The following CCDC91 variants were observed in gnomAD, a reference collection of about 807,000 sequenced individuals.
CCDC91 encodes coiled-coil domain containing 91, also known as coiled-coil domain-containing protein 91.
A neutral mutation model predicts 63.2 loss-of-function variants in CCDC91; 48 were observed. That is an observed-to-expected ratio of 0.76 (90% CI 0.60 to 0.97). CCDC91 has a LOEUF of 0.97. CCDC91 is among the 50% of genes least tolerant of loss of function. CCDC91 has a pLI of 0.00. For missense variants in CCDC91, 500 were observed against 494.6 expected, an observed-to-expected ratio of 1.01 and a Z score of -0.10; for synonymous variants, 167 against 165.8, an observed-to-expected ratio of 1.01 and a Z score of -0.06.
intron 12 of CCDC91, among the ~76,000 whole-genome samples, chr12:28,516,218 C>G (rs1424665063): frequency 4.0e-5 from 6 of 151,894 alleles, no homozygotes; most frequent in African/African-American, 1.4e-4. Flanking sequence ...TAAAAAAAAT[C>G]AATCTGTTGG....
intron 12 of CCDC91, among the ~76,000 whole-genome samples, chr12:28,487,585 A>T (rs1445309412): frequency 6.6e-6 from 1 of 151,706 alleles, no homozygotes; most frequent in Non-Finnish European, 1.5e-5. Context: ...CCTTTGGAAG[A>T]TGGATTTCTA....
Position 28,391,344 on chromosome 12 carries a change from T to C in CCDC91, c.695T>C (p.Ile232Thr). The C allele has an allele frequency of 1.2e-6, 2 of 1,613,208 alleles. No individual in the cohort carries two copies. The highest frequency in any genetic ancestry group is 1.7e-6 in the Non-Finnish European group (2 of 1,179,308). ...TCAGTTAAGCAACAAGTAGAAGCTA[T>C]TGAAAAACAGTACATTTCTGCAATT... ...QSSVKQQVEA[I>T]EKQYISAIEK... is the part of the protein sequence containing the mutation. Residue 232 changes from isoleucine to threonine, a missense_variant, in exon 8 of 13, where the codon ATT (isoleucine) becomes ACT (threonine). Ile to Thr is a moderately conservative substitution (Grantham distance 89). Transcript: ENST00000536442.
At chr12:28,414,623 A>G (rs1414764419) in intron 8 of CCDC91, among the ~76,000 whole-genome samples, 2 of 152,124 alleles carry the variant, frequency 1.3e-5, no homozygotes, top group Non-Finnish European at 2.9e-5. Flanking sequence ...CAGGCATTTG[A>G]TCACACTTGG....
At chr12:28,264,936 T>C (rs1255377963) in intron 3 of CCDC91, among the ~76,000 whole-genome samples, 1 of 151,964 alleles carries the variant, frequency 6.6e-6, no homozygotes, top group African/African-American at 2.4e-5. Context: ...AGTGATGCCA[T>C]ATAAAGGCTG....
At chr12:28,346,312 T>A (rs116655318) in intron 6 of CCDC91, among the ~76,000 whole-genome samples, 2,802 of 152,292 alleles carry the variant, frequency 0.018, 95 homozygotes, top group African/African-American at 0.062. Context: ...CTTTTAGAAG[T>A]GTTTTCTCTA....
At chr12:28,270,335 T>G (rs543423872) in intron 3 of CCDC91, among the ~76,000 whole-genome samples, 2 of 152,254 alleles carry the variant, frequency 1.3e-5, no homozygotes, top group South Asian at 2.1e-4. Context: ...GAAAGTTTGC[T>G]AAAGATATGA....
At chr12:28,370,521 C>G (rs575843264) in intron 7 of CCDC91, among the ~76,000 whole-genome samples, 1 of 152,344 alleles carries the variant, frequency 6.6e-6, no homozygotes, top group South Asian at 2.1e-4. Context: ...AAGTTACAAA[C>G]TTTCCCACAT....
intron 1 of CCDC91, among the ~76,000 whole-genome samples, chr12:28,214,358 A>ACCAAC (rs1306052458): frequency 3.3e-5 from 5 of 152,138 alleles, no homozygotes; most frequent in Admixed American, 6.5e-5. Context: ...TGGAAAACTG[A>ACCAAC]CCAACCCAAC....
At chr12:28,378,262 T>C (rs1278471465) in intron 7 of CCDC91, among the ~76,000 whole-genome samples, 1 of 152,092 alleles carries the variant, frequency 6.6e-6, no homozygotes, top group Non-Finnish European at 1.5e-5. Flanking sequence ...TAAATACTTT[T>C]TGTTAAGGAT....
At chr12:28,515,927 C>CT (rs1939895014) in intron 12 of CCDC91, among the ~76,000 whole-genome samples, 1 of 151,866 alleles carries the variant, frequency 6.6e-6, no homozygotes, top group African/African-American at 2.4e-5. Context: ...AAGGGAACTA[C>CT]TTTCTTGCCA....
chr12:28,366,170 T>G (rs567816814), intron 7 of CCDC91, among the ~76,000 whole-genome samples: 247 of 152,200 alleles, frequency 1.6e-3, no homozygotes, highest in African/African-American at 5.8e-3. Context: ...AAACTGGATA[T>G]TTTATATAAA....
At chr12:28,324,640 T>G (rs1940815223) in intron 6 of CCDC91, among the ~76,000 whole-genome samples, 1 of 151,890 alleles carries the variant, frequency 6.6e-6, no homozygotes, top group Admixed American at 6.6e-5. Context: ...CGTCAACCTT[T>G]GAAAATACCT....
chr12:28,287,091 T>G (rs1948958606), intron 3 of CCDC91, among the ~76,000 whole-genome samples: 1 of 152,178 alleles, frequency 6.6e-6, no homozygotes, highest in African/African-American at 2.4e-5. Context: ...AAGTTCCTTA[T>G]AGATGTTGGA....
At chr12:28,442,651 C>A (rs1273268656) in intron 8 of CCDC91, among the ~76,000 whole-genome samples, 1 of 151,762 alleles carries the variant, frequency 6.6e-6, no homozygotes, top group Non-Finnish European at 1.5e-5. Context: ...ATCTAGAATA[C>A]CAAATCAAAA....
intron 7 of CCDC91, among the ~76,000 whole-genome samples, chr12:28,363,188 G>C (rs1014674109): frequency 6.6e-6 from 1 of 151,848 alleles, no homozygotes; most frequent in Admixed American, 6.6e-5. Context: ...CAGTTCCATT[G>C]TATATTCTTC....
intron 12 of CCDC91, among the ~76,000 whole-genome samples, chr12:28,525,627 G>A (rs1941190426): frequency 6.6e-6 from 1 of 151,858 alleles, no homozygotes; most frequent in Admixed American, 6.6e-5. Context: ...CTTGTTCCAG[G>A]GTATAGTTTA....
intron 8 of CCDC91, among the ~76,000 whole-genome samples, chr12:28,441,073 AAAAAAAAAAAAG>A (rs1454733785): frequency 7.5e-5 from 2 of 26,802 alleles, no homozygotes; most frequent in Non-Finnish European, 1.7e-4. Flanking sequence ...AAAAAAAAAA[AAAAAAAAAAAAG>A]AAAAGAAAAA....
At chr12:28,412,362 A>G (rs2139734619) in intron 8 of CCDC91, among the ~76,000 whole-genome samples, 1 of 152,304 alleles carries the variant, frequency 6.6e-6, no homozygotes, top group South Asian at 2.1e-4. Flanking sequence ...CAAAATATGA[A>G]GAATTGTTGA....
At chr12:28,206,493 A>C (rs1208684875) in intron 1 of CCDC91, among the ~76,000 whole-genome samples, 2 of 152,186 alleles carry the variant, frequency 1.3e-5, no homozygotes, top group African/African-American at 4.8e-5. Flanking sequence ...TATTATTATG[A>C]CTACGGGAGG....
Sources: gnomAD v4.1 joint callset for allele counts (sites outside exome capture counted in the v4.1 genomes callset) on GRCh38, gnomAD v4.1.1 for gene constraint, MANE v1.5 for transcripts, NCBI Gene and HGNC (gene_info 2026-07-23, HGNC 2026-07-21) for gene names.